The following DLG2 variants were observed in gnomAD, a reference collection of about 807,000 sequenced individuals.
DLG2 encodes disks large homolog 2.
A neutral mutation model predicts 132.5 loss-of-function variants in DLG2; 45 were observed. The observed-to-expected ratio is 0.34, with a 90% CI of 0.27 to 0.44. The LOEUF (loss-of-function observed/expected upper bound fraction) is 0.44, where lower values mean the gene tolerates loss of function less well. Among genes scored for constraint, DLG2 ranks in the 20% least tolerant of loss-of-function variants. The pLI, the probability that DLG2 is intolerant of heterozygous loss-of-function variation, is 1.00. For synonymous variants in DLG2, 424 were observed against 419.6 expected, an observed-to-expected ratio of 1.01 and a Z score of -0.13; for missense variants, 1,045 against 1,196.9, an observed-to-expected ratio of 0.87 and a Z score of 1.87.
chr11:83,607,095 T>G (rs891818767), intron 19 of DLG2, among the ~76,000 whole-genome samples: 1 of 152,076 alleles, frequency 6.6e-6, no homozygotes, highest in African/African-American at 2.4e-5. Flanking sequence ...AAAAGGAAAG[T>G]GACATACAGA....
intron 22 of DLG2, among the ~76,000 whole-genome samples, chr11:83,476,302 C>A (rs995421879): frequency 1.3e-5 from 2 of 152,082 alleles, no homozygotes; most frequent in African/African-American, 4.8e-5. Flanking sequence ...TCTTGACAGG[C>A]ATCACAAACT....
At chr11:85,083,961 G>A (rs1224095372) in intron 6 of DLG2, among the ~76,000 whole-genome samples, 1 of 152,012 alleles carries the variant, frequency 6.6e-6, no homozygotes, top group East Asian at 1.9e-4. Flanking sequence ...AAGAAAAAGG[G>A]TCCATTCAGT....
At chr11:84,271,099 G>A (rs778472169) in intron 7 of DLG2, among the ~76,000 whole-genome samples, 20 of 152,066 alleles carry the variant, frequency 1.3e-4, no homozygotes, top group Non-Finnish European at 2.6e-4. Flanking sequence ...TAAATTGAGG[G>A]TCAGTTTATA....
In DLG2 at chr11:84,807,907, C is replaced by G. The variant is rs530666145; in HGVS notation, c.358-273176G>C. 2.6e-4 allele frequency among the ~76,000 whole-genome samples: 39 copies of G among 152,250 alleles called. 1 individual carries two copies. Among genetic ancestry groups the G allele is most frequent in the Middle Eastern group, 6.8e-3 (2 of 294 alleles). On this transcript the variant is annotated intron_variant, in intron 6 of 27. Coordinates refer to ENST00000376104, the MANE Select transcript of DLG2 (RefSeq NM_001142699.3). ...ACAAACACATAATTATAATTGGAGA[C>G]TTCAACACTCCTTTATTGACAATTC...
At chr11:84,787,312 G>A (rs1041873275) in intron 6 of DLG2, among the ~76,000 whole-genome samples, 1 of 152,040 alleles carries the variant, frequency 6.6e-6, no homozygotes, top group Non-Finnish European at 1.5e-5. Context: ...GATTCCTATG[G>A]TTTGAATTCT....
rs944961224 is a variant in DLG2, at chr11:84,922,981, G to T, written c.357+188680C>A. 91 of 1,483,870 alleles carry T rather than the reference G, an allele frequency of 6.1e-5. No homozygotes were observed. The Admixed American group carries it at 1.5e-3, about 25-fold the overall frequency. The allele number at this position is 1,483,870 out of a possible 1,614,324, so 91.9% of individuals were successfully genotyped here. A position where few individuals can be genotyped will look rare whatever the true frequency, so the allele number is the denominator to read the frequency against. On this transcript the variant is annotated intron_variant, in intron 6 of 27. Coordinates refer to ENST00000376104, the MANE Select transcript of DLG2 (RefSeq NM_001142699.3). ...CTGTAATAATCTGCCTGCTCAGCCA[G>T]CAATCCGAAAAGTCCTGAAGCTACA...
At chr11:84,508,092 C>T (rs2099246748) in intron 7 of DLG2, among the ~76,000 whole-genome samples, 1 of 152,118 alleles carries the variant, frequency 6.6e-6, no homozygotes, top group South Asian at 2.1e-4. Context: ...CAAAGTTTTC[C>T]ACTGGGTTCT....
intron 21 of DLG2, among the ~76,000 whole-genome samples, chr11:83,517,019 A>C (rs569777304): frequency 6.6e-6 from 1 of 152,078 alleles, no homozygotes; most frequent in South Asian, 2.1e-4. Flanking sequence ...TGCTCTTCTC[A>C]AGGAGTATCT....
chr11:85,184,911 A>T (rs1417510201), intron 4 of DLG2, among the ~76,000 whole-genome samples: 3 of 151,972 alleles, frequency 2.0e-5, no homozygotes, highest in Non-Finnish European at 2.9e-5. Flanking sequence ...ACAAGAGAAC[A>T]AATGTATCAA....
At chr11:84,914,552 C>G (rs2154079386) in intron 6 of DLG2, among the ~76,000 whole-genome samples, 1 of 152,314 alleles carries the variant, frequency 6.6e-6, no homozygotes, top group African/African-American at 2.4e-5. Flanking sequence ...TATAGGTTAT[C>G]AGGCCCATAA....
intron 6 of DLG2, among the ~76,000 whole-genome samples, chr11:84,606,966 A>G (rs2099586894): frequency 6.6e-6 from 1 of 152,130 alleles, no homozygotes; most frequent in Non-Finnish European, 1.5e-5. Flanking sequence ...CATATTTGAA[A>G]GCATTTTATA....
chr11:84,392,156 C>A (rs1427882810), intron 7 of DLG2, among the ~76,000 whole-genome samples: 1 of 152,118 alleles, frequency 6.6e-6, no homozygotes, highest in Non-Finnish European at 1.5e-5. Context: ...TTAAATGAGA[C>A]CTGGATCTCC....
intron 6 of DLG2, among the ~76,000 whole-genome samples, chr11:84,746,688 G>T (rs1312037716): frequency 6.6e-6 from 1 of 152,180 alleles, no homozygotes; most frequent in African/African-American, 2.4e-5. Context: ...AGGCTATTTT[G>T]ATGTTTTGGT....
intron 7 of DLG2, among the ~76,000 whole-genome samples, chr11:84,398,492 G>A (rs753257396): frequency 9.9e-5 from 15 of 152,128 alleles, no homozygotes; most frequent in Non-Finnish European, 1.9e-4. Flanking sequence ...CTGAAAACTG[G>A]GTACCTTATA....
intron 3 of DLG2, among the ~76,000 whole-genome samples, chr11:85,342,916 T>C (rs1232297638): frequency 6.6e-6 from 1 of 152,180 alleles, no homozygotes; most frequent in Non-Finnish European, 1.5e-5. Flanking sequence ...ATGTAATATG[T>C]AGAAATATAC....
chr11:84,005,766 A>G (rs747902424), intron 11 of DLG2, among the ~76,000 whole-genome samples: 3 of 151,920 alleles, frequency 2.0e-5, no homozygotes, highest in South Asian at 4.1e-4. Context: ...AAAAACCACA[A>G]TGAGATATCA....
At chr11:84,094,410 C>G (rs2097138590) in intron 10 of DLG2, among the ~76,000 whole-genome samples, 1 of 152,122 alleles carries the variant, frequency 6.6e-6, no homozygotes. Context: ...TTACTACTCT[C>G]CTTGGAGCAA....
chr11:84,747,240 T>A lies in DLG2; in HGVS notation c.358-212509A>T, dbSNP rs369356514. 3.6e-3 allele frequency among the ~76,000 whole-genome samples: 551 copies of A among 152,324 alleles called. 2 individuals carry two copies. Among genetic ancestry groups the A allele is most frequent in the African/African-American group, 0.013 (538 of 41,568 alleles). On this transcript the variant is annotated intron_variant, in intron 6 of 27. Coordinates refer to ENST00000376104, the MANE Select transcript of DLG2 (RefSeq NM_001142699.3). ...TAAAGGTATATGCAATTCCCTTTTT[T>A]AATTTTTTTATTAGAAAACAATATT...
intron 3 of DLG2, among the ~76,000 whole-genome samples, chr11:85,548,268 T>G (rs1203047719): frequency 6.6e-6 from 1 of 152,206 alleles, no homozygotes; most frequent in Non-Finnish European, 1.5e-5. Context: ...CTGCTGGAGT[T>G]TCCTGAAGGT....
Sources: gnomAD v4.1 joint callset for allele counts (sites outside exome capture counted in the v4.1 genomes callset) on GRCh38, gnomAD v4.1.1 for gene constraint, MANE v1.5 for transcripts, NCBI Gene and HGNC (gene_info 2026-07-23, HGNC 2026-07-21) for gene names.